The following PPP4R1 variants were observed in gnomAD, a reference collection of about 807,000 sequenced individuals.
The protein encoded by PPP4R1 is protein phosphatase 4 regulatory subunit 1.
PPP4R1 carries 42 observed loss-of-function variants against 111.2 expected under a neutral mutation model. The observed-to-expected ratio is 0.38, with a 90% CI of 0.29 to 0.49. The LOEUF (loss-of-function observed/expected upper bound fraction) is 0.49. PPP4R1 is among the 20% of genes least tolerant of loss of function. The pLI is 0.97. For missense variants in PPP4R1, 1,012 were observed against 1,161.6 expected (o/e 0.87, Z 1.87); for synonymous variants, 409 against 405.5 (o/e 1.01, Z -0.10).
intron 16 of PPP4R1, among the ~76,000 whole-genome samples, chr18:9,552,240 T>C (rs1314874024): frequency 6.6e-6 from 1 of 152,218 alleles, no homozygotes; most frequent in African/African-American, 2.4e-5. Context: ...GCAACAGACT[T>C]GGATAGACAT....
intron 4 of PPP4R1, among the ~76,000 whole-genome samples, chr18:9,592,978 T>C (rs908536415): frequency 2.6e-5 from 4 of 152,134 alleles, no homozygotes; most frequent in African/African-American, 9.7e-5. Context: ...ATTAGAAACA[T>C]TTAAGGCTTA....
At chr18:9,551,693 AGC>A (rs2066491216) in intron 16 of PPP4R1, 1 of 152,300 alleles carries the variant, frequency 6.6e-6, no homozygotes, top group African/African-American at 2.4e-5. Context: ...CTGTGGGCCC[AGC>A]AAAAATACTG....
intron 10 of PPP4R1, among the ~76,000 whole-genome samples, chr18:9,572,115 T>C (rs1479375632): frequency 2.0e-5 from 3 of 152,134 alleles, no homozygotes; most frequent in African/African-American, 7.2e-5. Context: ...ACAAGAAAGC[T>C]AACAGGTTCA....
At chr18:9,576,960 C>T in intron 10 of PPP4R1, 104 bp downstream of exon 10, 1 of 1,125,046 alleles carries the variant, frequency 8.9e-7, no homozygotes, top group Admixed American at 2.7e-5. Flanking sequence ...AAATAGCAAA[C>T]TATCAAAAAA....
In PPP4R1 at chr18:9,587,270, T is replaced by C. The variant is rs529400360; in HGVS notation, c.585+819A>G. ...TTTACAATTATGTATTTTTTCGTAT[T>C]GTGTGCAGAAGGTACACTTTCCTTT... is the stretch of plus-strand genomic sequence containing the variant. On this transcript the variant is annotated intron_variant, in intron 6 of 19. Transcript: ENST00000400556. 2.0e-5 allele frequency: 3 copies of C among 152,386 alleles called. No homozygotes were observed. In the East Asian group the frequency reaches 5.8e-4, roughly 29 times the overall value. 9.4% of individuals were successfully genotyped at this position (152,386 alleles called of 1,614,324 possible).
At chr18:9,596,649 T>G (rs2067294753) in intron 2 of PPP4R1, among the ~76,000 whole-genome samples, 1 of 152,098 alleles carries the variant, frequency 6.6e-6, no homozygotes, top group Admixed American at 6.5e-5. Context: ...CCTAAGAAAC[T>G]CCTCCCAAAT....
intron 2 of PPP4R1, among the ~76,000 whole-genome samples, chr18:9,604,328 C>G (rs2067442386): frequency 6.6e-6 from 1 of 152,196 alleles, no homozygotes; most frequent in Non-Finnish European, 1.5e-5. Context: ...AATCTTCCCA[C>G]TCTGTTCAAT....
rs1416503751 is a variant in PPP4R1 at position 9,584,834 on chromosome 18, ATAAG to A, written c.586-10_586-7del. ...GGAGCCATTTTGCACATTATCTAAA[ATAAG>A]TAAGAACAAACACACACTGAAAATA... On this transcript the variant is annotated splice_polypyrimidine_tract_variant and splice_region_variant and intron_variant, in intron 6 of 19. Transcript: ENST00000400556. 1 of 1,590,914 alleles carries A rather than the reference ATAAG, an allele frequency of 6.3e-7. No homozygotes were observed. Among genetic ancestry groups the A allele is most frequent in the African/African-American group, 1.3e-5 (1 of 74,356 alleles).
In PPP4R1 at chr18:9,550,318, G is replaced by T; in HGVS notation, c.2372C>A (p.Ala791Glu). The T allele has an allele frequency of 1.2e-6, 2 of 1,614,036 alleles. No individual in the cohort carries two copies. Among genetic ancestry groups the T allele is most frequent in the Non-Finnish European group, 1.7e-6 (2 of 1,179,902 alleles). The part of the protein sequence containing the change: ...YLRPIALNLC[A>E]DKVSSVRWIS... ...CCAACGAACAGAAGAAACTTTGTCT[G>T]CACACAGATTCAGAGCAATGGGACG... Residue 791 changes from alanine (A) to glutamate (E), a missense_variant, in exon 17 of 20, where the codon GCA becomes GAA. This residue lies in a region of PPP4R1 where 305 missense variants were observed against 419.5 expected (regional missense o/e 0.73). Coordinates refer to ENST00000400556, the MANE Select transcript of PPP4R1 (RefSeq NM_001042388.3).
Position 9,593,886 on chromosome 18 carries a change from A to C in PPP4R1, c.189-12T>G. On this transcript the variant is annotated splice_polypyrimidine_tract_variant and intron_variant, in intron 3 of 19. Coordinates refer to ENST00000400556, the MANE Select transcript of PPP4R1 (RefSeq NM_001042388.3). ...GGGCCACCATTTGTCTACACAAAAA[A>C]AACAAAATTATGTATGTTCAATGGC... 6.2e-7 allele frequency: 1 copy of C among 1,603,282 alleles called. No homozygotes were observed. Among genetic ancestry groups the C allele is most frequent in the Non-Finnish European group, 8.5e-7 (1 of 1,171,314 alleles).
At position 9,553,217 on chromosome 18, in the gene PPP4R1, T is replaced by C. The variant is rs1303201421; in HGVS notation, c.2291+105A>G. The C allele has an allele frequency of 3.8e-5, 32 of 837,436 alleles. 1 individual carries two copies. The highest frequency in any genetic ancestry group is 9.8e-5 in the South Asian group (6 of 61,410). 51.9% of individuals were successfully genotyped at this position (837,436 alleles called of 1,614,324 possible). ...AGCGTTAAAGGGCTAGAATACCACA[T>C]AGAAACTTGGATCTACACAAAGTAA... On this transcript the variant is annotated intron_variant, in intron 16 of 19. Transcript: ENST00000400556.
Position 9,549,283 on chromosome 18 carries a change from G to C in PPP4R1, c.2603C>G (p.Pro868Arg). 1 of 1,613,714 alleles carries C rather than the reference G, an allele frequency of 6.2e-7. No individual in the cohort carries two copies. ...GTCATTTGCTAAGGTTAGCAGATGC[G>C]GCATGAGATGCACAGCAAACTGGTC... ...PMDQFAVHLM[P>R]HLLTLANDRV... is the part of the protein sequence containing the mutation. Residue 868 changes from proline (P) to arginine (R), a missense_variant, in exon 19 of 20, where the codon CCG (proline) becomes CGG (arginine). Physicochemically the swap from Pro to Arg is moderately radical, Grantham distance 103 (BLOSUM62 -2). Transcript: ENST00000400556.
At chr18:9,551,324 G>A (rs2066484823) in intron 16 of PPP4R1, 1 of 152,216 alleles carries the variant, frequency 6.6e-6, no homozygotes, top group Non-Finnish European at 1.5e-5. Context: ...CCCCTCAGCA[G>A]AGCCCGGATG....
rs991322290 is a variant in PPP4R1 at position 9,595,298 on chromosome 18, A to G, written c.53-145T>C. The G allele has an allele frequency of 4.0e-5, 33 of 835,420 alleles. No homozygotes were observed. The African/African-American group carries it at 5.0e-4, about 13-fold the overall frequency. 51.8% of individuals were successfully genotyped at this position (835,420 alleles called of 1,614,324 possible). ...CTCAGAATCAATCCAGAAGCCACAAATAACTAAAAGATACCTCCTCTCCTT... is the reference window on the plus strand; with the variant it reads ...CTCAGAATCAATCCAGAAGCCACAAGTAACTAAAAGATACCTCCTCTCCTT... On this transcript the variant is annotated intron_variant, in intron 2 of 19. Coordinates refer to ENST00000400556, the MANE Select transcript of PPP4R1 (RefSeq NM_001042388.3).
intron 16 of PPP4R1, among the ~76,000 whole-genome samples, chr18:9,552,091 GA>G (rs2066498677): frequency 6.6e-6 from 1 of 152,166 alleles, no homozygotes; most frequent in Non-Finnish European, 1.5e-5. Flanking sequence ...TTAATATACT[GA>G]AAGACAAACT....
rs1598946007 is a variant in PPP4R1, at chr18:9,593,835, T to C, written c.228A>G (p.Glu76=). 3 of 1,613,882 alleles carry C rather than the reference T, an allele frequency of 1.9e-6. No individual in the cohort carries two copies. Among genetic ancestry groups the C allele is most frequent in the Non-Finnish European group, 2.5e-6 (3 of 1,179,910 alleles). Residue 76 remains glutamate (E), a synonymous_variant, in exon 4 of 20, where the codon GAA becomes GAG. Transcript: ENST00000400556. ...TACAATCTCTTTCATCATCGCAGAC[T>C]TCCCTCAAGGTATCGAGCAAACTCC... ...VARSLLDTLR[E]VCDDERDCIA... is the part of the protein sequence containing the mutation.
intron 10 of PPP4R1, among the ~76,000 whole-genome samples, chr18:9,571,891 G>C (rs1406675922): frequency 1.3e-5 from 2 of 152,200 alleles, no homozygotes; most frequent in African/African-American, 4.8e-5. Context: ...ATTGTTAATA[G>C]ATCTGTTGTT....
At chr18:9,570,736 TAAAAAAAC>T (rs2066849615) in intron 10 of PPP4R1, 53 bp from the exon 11 acceptor site, 1 of 1,474,718 alleles carries the variant, frequency 6.8e-7, no homozygotes, top group Admixed American at 2.5e-5. Context: ...ATAATTACTT[TAAAAAAAC>T]TGATGAAAGA....
chr18:9,561,222 TAA>T, intron 13 of PPP4R1, among the ~76,000 whole-genome samples: 1 of 28,474 alleles, frequency 3.5e-5, no homozygotes, highest in Non-Finnish European at 7.2e-5. Context: ...CCATCTCTAA[TAA>T]TAATAATAAT....
Sources: gnomAD v4.1 joint callset for allele counts (sites outside exome capture counted in the v4.1 genomes callset) on GRCh38, gnomAD v4.1.1 for gene constraint, gnomAD v4.1.1 regional missense constraint, MANE v1.5 for transcripts, NCBI Gene and HGNC (gene_info 2026-07-23, HGNC 2026-07-21) for gene names.